FBXL7: variants seen among roughly 807,000 people sequenced by gnomAD.
The protein encoded by FBXL7 is F-box/LRR-repeat protein 7.
A neutral mutation model predicts 38.3 loss-of-function variants in FBXL7; 12 were observed. That is an observed-to-expected ratio of 0.31 (90% CI 0.20 to 0.51). FBXL7 has a LOEUF of 0.51. Among genes scored for constraint, FBXL7 ranks in the 20% least tolerant of loss-of-function variants. The pLI is 0.98. For missense variants in FBXL7, 567 were observed against 676.4 expected (o/e 0.84, Z 1.79); for synonymous variants, 297 against 300.9 (o/e 0.99, Z 0.13).
intron 2 of FBXL7, among the ~76,000 whole-genome samples, chr5:15,699,986 C>T (rs969745890): frequency 1.1e-4 from 16 of 152,186 alleles, no homozygotes; most frequent in African/African-American, 2.7e-4. Flanking sequence ...GGAGTGGGGA[C>T]GTGAGGTTCT....
At chr5:15,640,233 G>A (rs1393381854) in intron 2 of FBXL7, among the ~76,000 whole-genome samples, 1 of 152,110 alleles carries the variant, frequency 6.6e-6, no homozygotes, top group Non-Finnish European at 1.5e-5. Flanking sequence ...TTCCCTTTGA[G>A]GATCTGTAGG....
intron 2 of FBXL7, among the ~76,000 whole-genome samples, chr5:15,624,359 C>T (rs1303193819): frequency 6.6e-6 from 1 of 152,166 alleles, no homozygotes; most frequent in Non-Finnish European, 1.5e-5. Flanking sequence ...GGTTAATTCC[C>T]ATGAGAACAG....
chr5:15,898,695 C>T lies in FBXL7; in HGVS notation c.128-29195C>T, dbSNP rs942837922. Among the ~76,000 whole-genome samples, 16 of 152,168 alleles carry T rather than the reference C, an allele frequency of 1.1e-4. 1 individual carries two copies. The highest frequency in any genetic ancestry group is 2.0e-4 in the Admixed American group (3 of 15,282). ...TCACCTGAAATAGTTCCCATAGACA[C>T]GAGGAGAAAACTCAATGTATTCTCG... On this transcript the variant is annotated intron_variant, in intron 2 of 3. Transcript: ENST00000504595.
At chr5:15,660,452 G>A (rs2126583304) in intron 2 of FBXL7, among the ~76,000 whole-genome samples, 1 of 152,314 alleles carries the variant, frequency 6.6e-6, no homozygotes, top group South Asian at 2.1e-4. Flanking sequence ...CACCTCCTAG[G>A]TTCAAGTGAT....
chr5:15,761,405 A>G lies in FBXL7; in HGVS notation c.127+145333A>G, dbSNP rs528561591. ...TGTCTGGGCTTCCCAATTCTTTACA[A>G]CCTTGAACTTGGAGAAGGTAGGAAA... On this transcript the variant is annotated intron_variant, in intron 2 of 3. Transcript: ENST00000504595. 7.2e-5 allele frequency among the ~76,000 whole-genome samples: 11 copies of G among 152,248 alleles called. 1 individual carries two copies. The South Asian group carries it at 1.5e-3, about 20-fold the overall frequency.
In FBXL7 at chr5:15,936,376, G is replaced by A; in HGVS notation, c.740-74G>A. Reference sequence around the variant, plus strand: ...CCAGACTTGGGCGAGGGTCAGGAATGCCCCAGGGCATCCCCAGGCGTGGCT... The same window carrying A: ...CCAGACTTGGGCGAGGGTCAGGAATACCCCAGGGCATCCCCAGGCGTGGCT... On this transcript the variant is annotated intron_variant, in intron 3 of 3. Transcript: ENST00000504595. The surrounding 1 kb of genome is among the most constrained non-coding windows in gnomAD (Gnocchi z 6.0). The A allele has an allele frequency of 6.5e-7, 1 of 1,536,052 alleles. No individual in the cohort carries two copies. Among genetic ancestry groups the A allele is most frequent in the Non-Finnish European group, 8.8e-7 (1 of 1,140,200 alleles).
chr5:15,923,310 G>A (rs981955119), intron 2 of FBXL7, among the ~76,000 whole-genome samples: 2 of 152,144 alleles, frequency 1.3e-5, no homozygotes, highest in East Asian at 1.9e-4. Context: ...TTCTGTGAAC[G>A]AAATATACTA....
At position 15,500,487 on chromosome 5, in the gene FBXL7, G is replaced by A; in HGVS notation, c.-190G>A. ...GGCCCCGCCTGGAGCCACCGGGGGT[G>A]CCAGGAGGGGACGCAGCACCCCCTC... On this transcript the variant is annotated 5_prime_UTR_variant, in exon 1 of 4. Transcript: ENST00000504595. The A allele has an allele frequency of 1.4e-6, 1 of 721,848 alleles. No individual in the cohort carries two copies. Among genetic ancestry groups the A allele is most frequent in the Middle Eastern group, 3.8e-4 (1 of 2,656 alleles). The allele number at this position is 721,848 out of a possible 1,614,324, so 44.7% of individuals were successfully genotyped here.
intron 2 of FBXL7, among the ~76,000 whole-genome samples, chr5:15,893,312 A>G (rs890597770): frequency 2.0e-5 from 3 of 152,164 alleles, no homozygotes; most frequent in Non-Finnish European, 4.4e-5. Flanking sequence ...AACTCTTTCA[A>G]TGCCTCTTTC....
intron 2 of FBXL7, among the ~76,000 whole-genome samples, chr5:15,887,357 T>C (rs1740720498): frequency 2.0e-5 from 3 of 152,088 alleles, no homozygotes; most frequent in African/African-American, 4.8e-5. Flanking sequence ...GAGGAACATA[T>C]GTGGAAGGGC....
At chr5:15,816,137 T>C (rs549087760) in intron 2 of FBXL7, among the ~76,000 whole-genome samples, 5 of 152,032 alleles carry the variant, frequency 3.3e-5, no homozygotes, top group Non-Finnish European at 7.4e-5. Context: ...GAAGTTACTA[T>C]AGGAAAAAGA....
chr5:15,722,789 G>C (rs949031444), intron 2 of FBXL7, among the ~76,000 whole-genome samples: 7 of 152,074 alleles, frequency 4.6e-5, no homozygotes, highest in African/African-American at 1.7e-4. Flanking sequence ...CCAGCGTGGT[G>C]GTGCATGCCT....
At chr5:15,529,162 C>G (rs76015432) in intron 1 of FBXL7, among the ~76,000 whole-genome samples, 9 of 152,300 alleles carry the variant, frequency 5.9e-5, no homozygotes, top group African/African-American at 2.2e-4. Flanking sequence ...TAAGTGAGAT[C>G]ATGCAATATT....
At chr5:15,914,158 G>A (rs909568930) in intron 2 of FBXL7, among the ~76,000 whole-genome samples, 2 of 151,970 alleles carry the variant, frequency 1.3e-5, no homozygotes, top group East Asian at 1.9e-4. Flanking sequence ...AGGCCGAGGC[G>A]GGCGGATCTC....
Position 15,928,188 on chromosome 5 carries a change from C to T in FBXL7, c.426C>T (p.Arg142=). Residue 142 remains arginine (R), a synonymous_variant, in exon 3 of 4, where the codon CGC becomes CGT. Transcript: ENST00000504595. The surrounding 1 kb of genome is among the most constrained non-coding windows in gnomAD (Gnocchi z 4.0). ...TGTGCCGCTGCGCGCGAGTGTGCCG[C>T]CGCTGGTACAACCTGGCCTGGGACC... ...NQLCRCARVC[R]RWYNLAWDPR... is the part of the protein sequence containing the mutation. 1 of 1,609,826 alleles carries T rather than the reference C, an allele frequency of 6.2e-7. No homozygotes were observed. Among genetic ancestry groups the T allele is most frequent in the Non-Finnish European group, 8.5e-7 (1 of 1,178,396 alleles).
chr5:15,621,370 C>G lies in FBXL7; in HGVS notation c.127+5298C>G, dbSNP rs182218626. Among the ~76,000 whole-genome samples the G allele has an allele frequency of 3.1e-4, 47 of 152,312 alleles. No individual in the cohort carries two copies. In the South Asian group the frequency reaches 5.6e-3, roughly 18 times the overall value. ...TACATTCCAACATTGTAAGACACAG[C>G]TTAATTCTTTCCAGTTGTGTTACTA... On this transcript the variant is annotated intron_variant, in intron 2 of 3. Transcript: ENST00000504595.
chr5:15,614,653 C>T (rs988315336), intron 1 of FBXL7, among the ~76,000 whole-genome samples: 7 of 152,206 alleles, frequency 4.6e-5, no homozygotes, highest in Non-Finnish European at 8.8e-5. Context: ...CCACAGTTTC[C>T]TGGAATCAGA....
intron 2 of FBXL7, among the ~76,000 whole-genome samples, chr5:15,791,636 G>A (rs1298981477): frequency 1.3e-5 from 2 of 152,184 alleles, no homozygotes; most frequent in Non-Finnish European, 2.9e-5. Context: ...GGGCCTGACA[G>A]GACAAAAGGA....
chr5:15,580,261 G>A (rs1301828020), intron 1 of FBXL7, among the ~76,000 whole-genome samples: 1 of 152,110 alleles, frequency 6.6e-6, no homozygotes, highest in African/African-American at 2.4e-5. Context: ...CTGGCACCCT[G>A]ATCTTTAACT....
Sources: gnomAD v4.1 joint callset for allele counts (sites outside exome capture counted in the v4.1 genomes callset) on GRCh38, gnomAD v4.1.1 for gene constraint, Gnocchi (gnomAD v3.1) non-coding constraint, MANE v1.5 for transcripts, NCBI Gene and HGNC (gene_info 2026-07-23, HGNC 2026-07-21) for gene names.